ACOX3: variants seen among roughly 807,000 people sequenced by gnomAD.
ACOX3 encodes the protein acyl-CoA oxidase 3, pristanoyl, also known as peroxisomal acyl-coenzyme A oxidase 3.
A neutral mutation model predicts 81.5 loss-of-function variants in ACOX3; 73 were observed. The observed-to-expected ratio is 0.90, with a 90% CI of 0.74 to 1.09. The LOEUF is 1.09. Among genes scored for constraint, ACOX3 ranks in the 50% least tolerant of loss-of-function variants. ACOX3 has a pLI of 0.00. For synonymous variants in ACOX3, 387 were observed against 375.1 expected, an observed-to-expected ratio of 1.03 and a Z score of -0.37; for missense variants, 947 against 928.0, an observed-to-expected ratio of 1.02 and a Z score of -0.27.
Position 8,437,071 on chromosome 4 carries a change from A to G in ACOX3, c.-15+3577T>C, listed in dbSNP as rs1445357575. On this transcript the variant is annotated intron_variant, in intron 1 of 17. Transcript: ENST00000356406. This position sits in a 1 kb window ranked among gnomAD's most constrained non-coding sequence, Gnocchi z 5.2. ...TATATATACAAATATATGTAAATATATAGAAATATATACACGTAAATATAT... is the reference window on the plus strand; with the variant it reads ...TATATATACAAATATATGTAAATATGTAGAAATATATACACGTAAATATAT... Among the ~76,000 whole-genome samples the G allele has an allele frequency of 1.4e-5, 2 of 145,444 alleles. No individual in the cohort carries two copies. Among genetic ancestry groups the G allele is most frequent in the Non-Finnish European group, 3.0e-5 (2 of 66,784 alleles).
rs1403354583 is a variant in ACOX3 at position 8,430,670 on chromosome 4, A to G, written c.-15+9978T>C. ...CAGGAGTTTGAGACCAGCCTGGCCAACATGGTGAAACCCCATCTCTACTAA... is the reference window on the plus strand; with the variant it reads ...CAGGAGTTTGAGACCAGCCTGGCCAGCATGGTGAAACCCCATCTCTACTAA... On this transcript the variant is annotated intron_variant, in intron 1 of 17. Transcript: ENST00000356406. The surrounding 1 kb of genome is among the most constrained non-coding windows in gnomAD (Gnocchi z 5.2). Among the ~76,000 whole-genome samples the G allele has an allele frequency of 6.6e-6, 1 of 152,194 alleles. No homozygotes were observed. The highest frequency in any genetic ancestry group is 6.5e-5 in the Admixed American group (1 of 15,290).
chr4:8,361,426 A>T (rs6847891), downstream of ACOX3, among the ~76,000 whole-genome samples: 1 of 49,140 alleles, frequency 2.0e-5, no homozygotes, highest in Non-Finnish European at 4.2e-5. Context: ...ACTCTATCTC[A>T]AAAAAAAAAA....
rs16842165 is a variant in ACOX3, at chr4:8,389,392, C to T, written c.1424-106G>A. On this transcript the variant is annotated intron_variant, in intron 12 of 17. Coordinates refer to ENST00000356406, the MANE Select transcript of ACOX3 (RefSeq NM_003501.3). This position sits in a 1 kb window ranked among gnomAD's most constrained non-coding sequence, Gnocchi z 5.3. ...CACAGAGAGTGTCCAGAGGACCCGA[C>T]GGCCACAGACCCACAGGCGAGGGTC... 1.2e-5 allele frequency: 16 copies of T among 1,298,218 alleles called. No homozygotes were observed. In the East Asian group the frequency reaches 1.8e-4, roughly 14 times the overall value. 80.4% of individuals were successfully genotyped at this position (1,298,218 alleles called of 1,614,324 possible). A position where few individuals can be genotyped will look rare whatever the true frequency, so the allele number is the denominator to read the frequency against.
rs1210501735 is a variant in ACOX3, at chr4:8,394,893, G to A, written c.1057-151C>T. 1 of 1,078,900 alleles carries A rather than the reference G, an allele frequency of 9.3e-7. No individual in the cohort carries two copies. Among genetic ancestry groups the A allele is most frequent in the African/African-American group, 1.6e-5 (1 of 62,476 alleles). The allele number at this position is 1,078,900 out of a possible 1,614,324, so 66.8% of individuals were successfully genotyped here. On this transcript the variant is annotated intron_variant, in intron 9 of 17. Coordinates refer to ENST00000356406, the MANE Select transcript of ACOX3 (RefSeq NM_003501.3). This position sits in a 1 kb window ranked among gnomAD's most constrained non-coding sequence, Gnocchi z 5.9. ...CTTCACATGTCTTCCCGGCACATCA[G>A]AAAGCCTTCACCCTGACACGCTCTC...
At chr4:8,374,922 C>G in intron 15 of ACOX3, 56 bp downstream of exon 15, 4 of 1,447,244 alleles carry the variant, frequency 2.8e-6, no homozygotes, top group Non-Finnish European at 3.7e-6. Context: ...TTCCTAGATA[C>G]AACACGGGGG....
chr4:8,373,793 G>A, intron 15 of ACOX3, 165 bp from the exon 16 acceptor site: 2 of 651,936 alleles, frequency 3.1e-6, no homozygotes, highest in African/African-American at 1.8e-5. Context: ...CCCAAGGAAT[G>A]TGCTGCTCAG....
In ACOX3 at chr4:8,384,490, G is replaced by A. The variant is rs982513321; in HGVS notation, c.1538-2883C>T. On this transcript the variant is annotated intron_variant, in intron 13 of 17. Coordinates refer to ENST00000356406, the MANE Select transcript of ACOX3 (RefSeq NM_003501.3). This position sits in a 1 kb window ranked among gnomAD's most constrained non-coding sequence, Gnocchi z 5.3. ...TGCTGGCGGCCTGAGGACACACCCA[G>A]CGTCAACAACCTCTGTCCTCAAGAC... 1.3e-5 allele frequency among the ~76,000 whole-genome samples: 2 copies of A among 152,200 alleles called. No homozygotes were observed. The highest frequency in any genetic ancestry group is 2.1e-4 in the South Asian group (1 of 4,836).
downstream of ACOX3, among the ~76,000 whole-genome samples, chr4:8,365,720 G>A (rs1458363890): frequency 1.3e-5 from 2 of 151,562 alleles, no homozygotes; most frequent in Non-Finnish European, 2.9e-5. Flanking sequence ...CCCCTCAGAT[G>A]CCCCTGGAGC....
the ACOX3 span, among the ~76,000 whole-genome samples, chr4:8,359,723 G>GC: frequency 2.6e-5 from 4 of 152,226 alleles, no homozygotes; most frequent in African/African-American, 9.6e-5. This position sits in a 1 kb window ranked among gnomAD's most constrained non-coding sequence, Gnocchi z 6.0. Context: ...CAGTGTTGCT[G>GC]CAATGGATGG....
At chr4:8,396,296 C>T (rs1487555523) in intron 9 of ACOX3, among the ~76,000 whole-genome samples, 3 of 152,170 alleles carry the variant, frequency 2.0e-5, no homozygotes, top group South Asian at 2.1e-4. Flanking sequence ...GTGCACAGGG[C>T]GTGCAAGGCC....
the ACOX3 span, chr4:8,358,391 A>C: frequency 6.9e-6 from 1 of 145,864 alleles, no homozygotes; most frequent in East Asian, 2.1e-4. Context: ...ACTCAAGCTG[A>C]GTTCAACTTT....
In ACOX3 at chr4:8,392,358, C is replaced by G. The variant is rs753101879; in HGVS notation, c.1275G>C (p.Ala425=). Residue 425 remains alanine, a synonymous_variant, in exon 11 of 18, where the codon GCG becomes GCC. Coordinates refer to ENST00000356406, the MANE Select transcript of ACOX3 (RefSeq NM_003501.3). ...TGGCCAGATAGCCGTGTCCTCCACA[C>G]GCCTCCCGGCATTCCTGAATTCCTT... ...TQQGIQECRE[A]CGGHGYLAMN... The G allele has an allele frequency of 6.2e-7, 1 of 1,601,784 alleles. No homozygotes were observed. The highest frequency in any genetic ancestry group is 8.5e-7 in the Non-Finnish European group (1 of 1,175,480).
chr4:8,394,057 C>A lies in ACOX3; in HGVS notation c.1179+563G>T, dbSNP rs1253259585. ...CATAACAGCAATCTGTGGCGTTTCT[C>A]CTCTGCTTTCAAACACGGTTATTTC... On this transcript the variant is annotated intron_variant, in intron 10 of 17. Coordinates refer to ENST00000356406, the MANE Select transcript of ACOX3 (RefSeq NM_003501.3). The surrounding 1 kb of genome is among the most constrained non-coding windows in gnomAD (Gnocchi z 5.9). 1.3e-5 allele frequency among the ~76,000 whole-genome samples: 2 copies of A among 152,234 alleles called. No individual in the cohort carries two copies. Among genetic ancestry groups the A allele is most frequent in the Admixed American group, 1.3e-4 (2 of 15,286 alleles).
At chr4:8,371,493 G>A (rs1370455726) in intron 16 of ACOX3, among the ~76,000 whole-genome samples, 1 of 152,232 alleles carries the variant, frequency 6.6e-6, no homozygotes, top group Admixed American at 6.5e-5. Flanking sequence ...TATGACACAT[G>A]AAATTTATAT....
rs771189335 is a variant in ACOX3 at position 8,422,531 on chromosome 4, C to T, written c.-14-5996G>A. Among the ~76,000 whole-genome samples the T allele has an allele frequency of 4.6e-5, 7 of 152,134 alleles. No homozygotes were observed. The East Asian group carries it at 7.7e-4, about 17-fold the overall frequency. ...GGAGGAGCAGGCAGAACAGGACAAA[C>T]GGGCCCTCAGGCAAGCAGAAGTTCA... On this transcript the variant is annotated intron_variant, in intron 1 of 17. Transcript: ENST00000356406.
Position 8,406,061 on chromosome 4 carries a change from A to G in ACOX3, c.688-18T>C, listed in dbSNP as rs1363171385. On this transcript the variant is annotated intron_variant, in intron 6 of 17. Coordinates refer to ENST00000356406, the MANE Select transcript of ACOX3 (RefSeq NM_003501.3). This position sits in a 1 kb window ranked among gnomAD's most constrained non-coding sequence, Gnocchi z 5.6. The stretch of plus-strand genomic sequence containing the variant: ...TCCCGGATCTATACAAAGCCACAGA[A>G]AGCAGCAAACAGCAACTGTTACAAT... The G allele has an allele frequency of 6.2e-7, 1 of 1,610,846 alleles. No individual in the cohort carries two copies. The highest frequency in any genetic ancestry group is 8.5e-7 in the Non-Finnish European group (1 of 1,177,226).
chr4:8,397,836 T>A (rs879652799), intron 8 of ACOX3, among the ~76,000 whole-genome samples: 2 of 152,356 alleles, frequency 1.3e-5, no homozygotes, highest in Admixed American at 1.3e-4. Flanking sequence ...AATCACACTC[T>A]CACATAGGAA....
downstream of ACOX3, among the ~76,000 whole-genome samples, chr4:8,361,425 CAAAAAAAAAAA>C (rs56251372): frequency 3.1e-3 from 120 of 39,032 alleles, no homozygotes; most frequent in Non-Finnish European, 3.2e-3. Context: ...GACTCTATCT[CAAAAAAAAAAA>C]AAAAAAAAAA....
chr4:8,402,536 C>T (rs750175102), intron 7 of ACOX3, among the ~76,000 whole-genome samples: 10 of 152,228 alleles, frequency 6.6e-5, no homozygotes, highest in Admixed American at 2.6e-4. Context: ...ATTATTCCCC[C>T]ATTCTCACCA....
Sources: allele counts gnomAD v4.1 joint callset (sites outside exome capture counted in the v4.1 genomes callset), GRCh38; gene constraint gnomAD v4.1.1; non-coding constraint Gnocchi (gnomAD v3.1); transcripts MANE v1.5; gene names NCBI Gene and HGNC (gene_info 2026-07-23, HGNC 2026-07-21).